The following IQGAP2 variants were observed in gnomAD, a reference collection of about 807,000 sequenced individuals.
IQGAP2 encodes ras GTPase-activating-like protein IQGAP2.
IQGAP2 carries 173 observed loss-of-function variants against 201.3 expected under a neutral mutation model. The ratio of observed to expected loss-of-function variants is 0.86; its 90% CI spans 0.76 to 0.98. The LOEUF is 0.98. Among genes scored for constraint, IQGAP2 ranks in the 50% least tolerant of loss-of-function variants. IQGAP2 has a pLI of 0.00. For missense variants in IQGAP2, 1,687 were observed against 1,864.8 expected, an observed-to-expected ratio of 0.90 and a Z score of 1.76; for synonymous variants, 675 against 673.9, an observed-to-expected ratio of 1.00 and a Z score of -0.03.
At chr5:76,485,267 A>AT (rs1756048836) in intron 2 of IQGAP2, among the ~76,000 whole-genome samples, 1 of 152,150 alleles carries the variant, frequency 6.6e-6, no homozygotes, top group Non-Finnish European at 1.5e-5. Flanking sequence ...CGGTAAGTAT[A>AT]TTTTTGTGGA....
intron 30 of IQGAP2, among the ~76,000 whole-genome samples, chr5:76,688,908 T>C (rs1746016133): frequency 6.6e-6 from 1 of 152,246 alleles, no homozygotes; most frequent in East Asian, 1.9e-4. Context: ...AGTTACTAAG[T>C]GGAGCAGAGA....
In IQGAP2 at chr5:76,461,620, C is replaced by G; in HGVS notation, c.97C>G (p.Arg33Gly). ...TGCAGAGGAGATGGATGAGAGGAGG[C>G]GGCAGAACATTGCTTATGAATATCT... ...LSAEEMDERR[R>G]QNIAYEYLCH... is the part of the protein sequence containing the mutation. The change falls in exon 2 of 36, where the codon CGG becomes GGG. Residue 33 changes from arginine (R) to glycine (G), a missense_variant. Coordinates refer to ENST00000274364, the MANE Select transcript of IQGAP2 (RefSeq NM_006633.5). 1.2e-6 allele frequency: 2 copies of G among 1,613,880 alleles called. No homozygotes were observed. The highest frequency in any genetic ancestry group is 8.5e-7 in the Non-Finnish European group (1 of 1,179,804).
At chr5:76,509,121 T>G (rs934502257) in intron 2 of IQGAP2, among the ~76,000 whole-genome samples, 1 of 152,070 alleles carries the variant, frequency 6.6e-6, no homozygotes, top group Non-Finnish European at 1.5e-5. Flanking sequence ...CTTTAATGTC[T>G]GTCTTTAAAC....
intron 17 of IQGAP2, among the ~76,000 whole-genome samples, chr5:76,645,825 T>C (rs2059220): frequency 0.69 from 93,610 of 135,166 alleles, 29,238 homozygotes; most frequent in South Asian, 0.8. Context: ...ATCCTTAGTA[T>C]ATTAAAAAAA....
chr5:76,705,037 A>T (rs994354794), intron 35 of IQGAP2, among the ~76,000 whole-genome samples: 13 of 152,160 alleles, frequency 8.5e-5, no homozygotes, highest in African/African-American at 3.1e-4. Context: ...GATATGACTT[A>T]TGTGATATAT....
intron 9 of IQGAP2, among the ~76,000 whole-genome samples, chr5:76,593,920 A>G (rs1746837409): frequency 6.6e-6 from 1 of 152,232 alleles, no homozygotes; most frequent in African/African-American, 2.4e-5. Context: ...GCTGGAGAGA[A>G]ATATCCTAAG....
intron 1 of IQGAP2, among the ~76,000 whole-genome samples, chr5:76,444,806 A>G (rs1263068514): frequency 1.3e-5 from 2 of 152,220 alleles, no homozygotes; most frequent in African/African-American, 4.8e-5. Context: ...TAGAACCTTC[A>G]TCCCATGGCC....
At chr5:76,482,357 G>A (rs1217964009) in intron 2 of IQGAP2, among the ~76,000 whole-genome samples, 2 of 152,176 alleles carry the variant, frequency 1.3e-5, no homozygotes, top group East Asian at 3.9e-4. Context: ...GTCAGTAGGT[G>A]TCTCTGATGG....
At chr5:76,436,568 G>A (rs1236060950) in intron 1 of IQGAP2, among the ~76,000 whole-genome samples, 1 of 95,654 alleles carries the variant, frequency 1.0e-5, no homozygotes, top group Admixed American at 1.4e-4. Flanking sequence ...GTCTTGTTCT[G>A]TTGCCAGGCT....
chr5:76,423,835 T>C (rs1403826384), intron 1 of IQGAP2, among the ~76,000 whole-genome samples: 1 of 152,182 alleles, frequency 6.6e-6, no homozygotes, highest in Non-Finnish European at 1.5e-5. Context: ...CTCATGATGA[T>C]AATTTACACT....
chr5:76,511,671 G>A (rs892391056), intron 2 of IQGAP2, among the ~76,000 whole-genome samples: 1 of 120,776 alleles, frequency 8.3e-6, no homozygotes, highest in South Asian at 2.6e-4. Context: ...GTTTTTTTTT[G>A]TTTTGTTTTG....
At chr5:76,632,260 G>A (rs937398333) in intron 15 of IQGAP2, among the ~76,000 whole-genome samples, 1 of 152,150 alleles carries the variant, frequency 6.6e-6, no homozygotes, top group African/African-American at 2.4e-5. Context: ...TCATATTTGA[G>A]GAGTCTGTGC....
At chr5:76,645,052 A>C (rs142900407) in intron 17 of IQGAP2, among the ~76,000 whole-genome samples, 1 of 151,202 alleles carries the variant, frequency 6.6e-6, no homozygotes, top group African/African-American at 2.4e-5. Flanking sequence ...CCCTGTGTCC[A>C]TATGTTCTCA....
intron 18 of IQGAP2, among the ~76,000 whole-genome samples, chr5:76,653,442 A>C (rs1403678918): frequency 6.6e-6 from 1 of 152,134 alleles, no homozygotes; most frequent in Admixed American, 6.5e-5. Flanking sequence ...ATGGAACTGG[A>C]AAGTAGAATC....
In IQGAP2 at chr5:76,496,749, C is replaced by G. The variant is rs1305229113; in HGVS notation, c.146+35080C>G. Among the ~76,000 whole-genome samples, 12 of 60,470 alleles carry G rather than the reference C, an allele frequency of 2.0e-4. 1 individual carries two copies. Among genetic ancestry groups the G allele is most frequent in the African/African-American group, 8.6e-4 (9 of 10,414 alleles). 39.7% of individuals were successfully genotyped at this position (60,470 alleles called of 152,430 possible). A position where few individuals can be genotyped will look rare whatever the true frequency, so the allele number is the denominator to read the frequency against. ...CTTTTCTTTCTTTCTTTCTTTCTTT[C>G]TTTCTTTCTTTCTTTCTTTCTTTCT... On this transcript the variant is annotated intron_variant, in intron 2 of 35. Coordinates refer to ENST00000274364, the MANE Select transcript of IQGAP2 (RefSeq NM_006633.5).
intron 1 of IQGAP2, among the ~76,000 whole-genome samples, chr5:76,409,506 CA>C (rs1750992951): frequency 6.6e-6 from 1 of 152,100 alleles, no homozygotes; most frequent in Non-Finnish European, 1.5e-5. Flanking sequence ...CTCAGCCTCC[CA>C]AATTGCTGGT....
chr5:76,482,896 C>A (rs1755873909), intron 2 of IQGAP2, among the ~76,000 whole-genome samples: 1 of 152,192 alleles, frequency 6.6e-6, no homozygotes, highest in African/African-American at 2.4e-5. Flanking sequence ...GAGCAAAGCA[C>A]TGTCTCTGTG....
chr5:76,519,132 A>G (rs762274950), intron 2 of IQGAP2, among the ~76,000 whole-genome samples: 20 of 152,312 alleles, frequency 1.3e-4, no homozygotes, highest in South Asian at 4.1e-4. Context: ...TTTAACTTAT[A>G]TATTCCTGTA....
chr5:76,503,267 G>T (rs550583696), intron 2 of IQGAP2, among the ~76,000 whole-genome samples: 2 of 144,790 alleles, frequency 1.4e-5, no homozygotes, highest in East Asian at 2.0e-4. Flanking sequence ...TCCCCCTCCC[G>T]GGTTCAAGCA....
Sources: gnomAD v4.1 joint callset for allele counts (sites outside exome capture counted in the v4.1 genomes callset) on GRCh38, gnomAD v4.1.1 for gene constraint, MANE v1.5 for transcripts, NCBI Gene and HGNC (gene_info 2026-07-23, HGNC 2026-07-21) for gene names.